Variants in BMPR2 observed in about 807,000 individuals in gnomAD.
The protein encoded by BMPR2 is bone morphogenetic protein receptor type 2.
A neutral mutation model predicts 100.8 loss-of-function variants in BMPR2; 29 were observed. The ratio of observed to expected loss-of-function variants is 0.29; its 90% CI spans 0.21 to 0.39. BMPR2 has a LOEUF of 0.39. Among genes scored for constraint, BMPR2 ranks in the 10% least tolerant of loss-of-function variants. BMPR2 has a pLI of 1.00. For missense variants in BMPR2, 1,011 were observed against 1,274.5 expected, an observed-to-expected ratio of 0.79 and a Z score of 3.15; for synonymous variants, 382 against 442.3, an observed-to-expected ratio of 0.86 and a Z score of 1.71.
intron 3 of BMPR2, among the ~76,000 whole-genome samples, chr2:202,498,344 ACTAGTGTTTCTGCTGCTG>A (rs988560053): frequency 6.6e-6 from 1 of 152,118 alleles, no homozygotes; most frequent in African/African-American, 2.4e-5. Flanking sequence ...TGGGAGGAAA[ACTAGTGTTTCTGCTGCTG>A]CGTCAGTGAG....
At chr2:202,460,289 G>A (rs1692200771) in intron 1 of BMPR2, among the ~76,000 whole-genome samples, 1 of 152,006 alleles carries the variant, frequency 6.6e-6, no homozygotes, top group Admixed American at 6.6e-5. Flanking sequence ...AGAAAATGTG[G>A]TAAATATACA....
chr2:202,400,328 T>TC (rs1299747191), intron 1 of BMPR2, among the ~76,000 whole-genome samples: 2 of 151,048 alleles, frequency 1.3e-5, no homozygotes, highest in Non-Finnish European at 1.5e-5. Flanking sequence ...TTTTTTTTTT[T>TC]TGGTAGAGAC....
chr2:202,557,321 G>A lies in BMPR2; in HGVS notation c.2866+790G>A, dbSNP rs185102196. Among the ~76,000 whole-genome samples the A allele has an allele frequency of 3.4e-4, 51 of 152,138 alleles. 1 individual carries two copies. The highest frequency in any genetic ancestry group is 7.2e-4 in the African/African-American group (30 of 41,508). Reference sequence around the variant, plus strand: ...CTACTAAAAATACAAAAAATTAGCCGCGTGTGGTGGTGGGCACCTGTAATC... The same window carrying A: ...CTACTAAAAATACAAAAAATTAGCCACGTGTGGTGGTGGGCACCTGTAATC... On this transcript the variant is annotated intron_variant, in intron 12 of 12. Coordinates refer to ENST00000374580, the MANE Select transcript of BMPR2 (RefSeq NM_001204.7).
chr2:202,424,642 G>C (rs1691348078), intron 1 of BMPR2, among the ~76,000 whole-genome samples: 3 of 152,000 alleles, frequency 2.0e-5, no homozygotes, highest in Admixed American at 1.3e-4. Context: ...GTTGCAGTGA[G>C]CTGAGATCGC....
intron 1 of BMPR2, among the ~76,000 whole-genome samples, chr2:202,384,488 A>C (rs1489505923): frequency 6.6e-6 from 1 of 151,208 alleles, no homozygotes. Context: ...GGTTAGATGC[A>C]AATGGAGGTT....
chr2:202,559,145 A>G (rs1688636417), intron 12 of BMPR2, among the ~76,000 whole-genome samples: 1 of 151,834 alleles, frequency 6.6e-6, no homozygotes, highest in Admixed American at 6.6e-5. Flanking sequence ...CTACTAAAAT[A>G]CAAAAAATTA....
intron 1 of BMPR2, among the ~76,000 whole-genome samples, chr2:202,454,138 T>G (rs1692041174): frequency 6.6e-6 from 1 of 152,098 alleles, no homozygotes; most frequent in Non-Finnish European, 1.5e-5. Context: ...GGCGTGAACT[T>G]GGGTTACTGC....
In BMPR2 at chr2:202,503,608, A is replaced by G. The variant is rs1687454430; in HGVS notation, c.419-10111A>G. On this transcript the variant is annotated intron_variant, in intron 3 of 12. Transcript: ENST00000374580. This position sits in a 1 kb window ranked among gnomAD's most constrained non-coding sequence, Gnocchi z 4.0. ...CACTGGGTCTTAGCTGCCTTCCCACAGGGCAGGGCTCGGGACCTGCAGCCC... is the reference window on the plus strand; with the variant it reads ...CACTGGGTCTTAGCTGCCTTCCCACGGGGCAGGGCTCGGGACCTGCAGCCC... Among the ~76,000 whole-genome samples, 1 of 152,214 alleles carries G rather than the reference A, an allele frequency of 6.6e-6. No individual in the cohort carries two copies. Among genetic ancestry groups the G allele is most frequent in the Non-Finnish European group, 1.5e-5 (1 of 68,028 alleles).
intron 9 of BMPR2, among the ~76,000 whole-genome samples, chr2:202,541,074 T>C (rs1183050326): frequency 4.6e-5 from 7 of 152,186 alleles, no homozygotes; most frequent in African/African-American, 1.4e-4. Context: ...TGGCAATGAA[T>C]AGGGTTATTA....
At chr2:202,497,311 A>G (rs911600905) in intron 3 of BMPR2, among the ~76,000 whole-genome samples, 1 of 152,190 alleles carries the variant, frequency 6.6e-6, no homozygotes, top group Non-Finnish European at 1.5e-5. Flanking sequence ...AGCATCACCT[A>G]TCCGCAAGCA....
intron 1 of BMPR2, among the ~76,000 whole-genome samples, chr2:202,393,260 AACAG>A (rs1031282620): frequency 3.9e-5 from 6 of 152,164 alleles, no homozygotes; most frequent in African/African-American, 1.2e-4. Context: ...GCAAGAGATA[AACAG>A]ACAGAGTTTG....
chr2:202,408,924 C>T (rs1483987803), intron 1 of BMPR2, among the ~76,000 whole-genome samples: 2 of 152,166 alleles, frequency 1.3e-5, no homozygotes, highest in African/African-American at 4.8e-5. Context: ...CATGTCTGGA[C>T]GTTTTCAGTT....
chr2:202,529,156 TA>T (rs1687969949), intron 7 of BMPR2, among the ~76,000 whole-genome samples: 1 of 152,214 alleles, frequency 6.6e-6, no homozygotes, highest in African/African-American at 2.4e-5. Context: ...AGTTTGTATA[TA>T]GTCTTTCATG....
chr2:202,411,456 G>C (rs987205952), intron 1 of BMPR2, among the ~76,000 whole-genome samples: 1 of 152,204 alleles, frequency 6.6e-6, no homozygotes, highest in Non-Finnish European at 1.5e-5. Context: ...TTTCCTTGTA[G>C]GGTTAAAACA....
intron 1 of BMPR2, among the ~76,000 whole-genome samples, chr2:202,456,507 TTC>T (rs1190465959): frequency 6.7e-5 from 10 of 150,186 alleles, no homozygotes; most frequent in African/African-American, 2.4e-4. Context: ...GCACTTTTCT[TTC>T]TTTCTTTCTT....
intron 3 of BMPR2, among the ~76,000 whole-genome samples, chr2:202,469,773 G>A (rs983131189): frequency 9.9e-5 from 15 of 151,914 alleles, no homozygotes; most frequent in Admixed American, 3.9e-4. Flanking sequence ...CTGAGCCACC[G>A]CGCCCGGCCC....
chr2:202,480,964 A>AAC (rs1195030853), intron 3 of BMPR2, among the ~76,000 whole-genome samples: 2 of 151,030 alleles, frequency 1.3e-5, no homozygotes, highest in Admixed American at 1.3e-4. Flanking sequence ...AAAAAAAAAA[A>AAC]AAAAAAAAAA....
At chr2:202,559,191 A>G (rs1326229815) in intron 12 of BMPR2, among the ~76,000 whole-genome samples, 1 of 151,842 alleles carries the variant, frequency 6.6e-6, no homozygotes, top group Non-Finnish European at 1.5e-5. Context: ...AGTCCCGGCT[A>G]CTTGAGAGGC....
Position 202,527,813 on chromosome 2 carries a change from A to AAAAT in BMPR2, c.968-2965_968-2962dup, listed in dbSNP as rs887768154. Among the ~76,000 whole-genome samples, 14 of 152,104 alleles carry AAAAT rather than the reference A, an allele frequency of 9.2e-5. No individual in the cohort carries two copies. The East Asian group carries it at 1.9e-3, about 21-fold the overall frequency. On this transcript the variant is annotated intron_variant, in intron 7 of 12. Transcript: ENST00000374580. ...CATCTCAAAAAAAAATAATAATAAAAAAATAAATAAATAAATAAAAAATAT... is the reference window on the plus strand; with the variant it reads ...CATCTCAAAAAAAAATAATAATAAAAAAATAAATAAATAAATAAATAAAAAATAT...
Sources: gnomAD v4.1 joint callset for allele counts (sites outside exome capture counted in the v4.1 genomes callset) on GRCh38, gnomAD v4.1.1 for gene constraint, Gnocchi (gnomAD v3.1) non-coding constraint, MANE v1.5 for transcripts, NCBI Gene and HGNC (gene_info 2026-07-23, HGNC 2026-07-21) for gene names.